Variants in LLGL2 observed in about 807,000 individuals in gnomAD.
LLGL2 encodes LLGL scribble cell polarity complex component 2.
Under a neutral mutation model 123.2 loss-of-function variants are expected in LLGL2, and 81 were observed. The ratio of observed to expected loss-of-function variants is 0.66; its 90% confidence interval spans 0.55 to 0.79. The LOEUF is 0.79. Ranked by LOEUF, LLGL2 falls within the 30% of genes least tolerant of loss-of-function variation. The pLI, the probability that LLGL2 is intolerant of heterozygous loss-of-function variation, is 0.00. For missense variants in LLGL2, 1,273 were observed against 1,414.6 expected (o/e 0.90, Z 1.61); for synonymous variants, 577 against 594.1 (o/e 0.97, Z 0.42).
intron 2 of LLGL2, among the ~76,000 whole-genome samples, chr17:75,555,312 C>T (rs112983066): frequency 7.2e-6 from 1 of 138,084 alleles, no homozygotes; most frequent in South Asian, 2.3e-4. Context: ...TTTTTTGAGA[C>T]GGAGTCTCGC....
At chr17:75,563,201 C>T in intron 7 of LLGL2, 23 bp downstream of exon 7, 2 of 1,611,918 alleles carry the variant, frequency 1.2e-6, no homozygotes, top group Admixed American at 1.7e-5. Context: ...CAGGACATGG[C>T]AGGCGCCATG....
intron 14 of LLGL2, 148 bp from the exon 15 acceptor site, chr17:75,569,815 A>C (rs2147534555): frequency 1.2e-6 from 1 of 837,548 alleles, no homozygotes; most frequent in East Asian, 2.8e-5. Flanking sequence ...AAAAAAAAAA[A>C]AAAATGCAGG....
At chr17:75,565,040 G>A (rs763337867) in intron 10 of LLGL2, among the ~76,000 whole-genome samples, 8 of 152,242 alleles carry the variant, frequency 5.3e-5, no homozygotes, top group Middle Eastern at 3.4e-3. Context: ...TGTCTGCCCC[G>A]GGCTCTCTGC....
chr17:75,530,853 G>A (rs2053759901), intron 1 of LLGL2, among the ~76,000 whole-genome samples: 1 of 152,228 alleles, frequency 6.6e-6, no homozygotes, highest in Admixed American at 6.5e-5. Context: ...GTTTTTCAGC[G>A]AGGACCTTTT....
At position 75,563,406 on chromosome 17, in the gene LLGL2, T is replaced by C; in HGVS notation, c.769T>C (p.Trp257Arg). The C allele has an allele frequency of 1.2e-6, 2 of 1,612,910 alleles. No homozygotes were observed. The highest frequency in any genetic ancestry group is 1.7e-6 in the Non-Finnish European group (2 of 1,180,030). ...TCACTCTGACGGCAGCTACTGCCAG[T>C]GGCCCGTGTCCAGCGAAGCCCAGCA... ...SCHSDGSYCQ[W>R]PVSSEAQQPE... The change falls in exon 8 of 26, where the codon TGG becomes CGG. Residue 257 changes from tryptophan (W) to arginine (R), a missense_variant. Transcript: ENST00000392550.
chr17:75,534,021 C>T (rs529637261), intron 1 of LLGL2, among the ~76,000 whole-genome samples: 8 of 147,616 alleles, frequency 5.4e-5, no homozygotes, highest in African/African-American at 2.1e-4. Context: ...AGTTTTAGGG[C>T]AGGTAGGAGG....
chr17:75,543,345 A>C (rs958997951), intron 1 of LLGL2, 52 bp from the exon 2 acceptor site: 19 of 1,348,650 alleles, frequency 1.4e-5, no homozygotes, highest in Non-Finnish European at 5.1e-6. Context: ...GCCGGGCCTA[A>C]TCGATACCTG....
Position 75,569,011 on chromosome 17 carries a change from C to A in LLGL2, c.1356C>A (p.Ala452=), listed in dbSNP as rs2055570347. The A allele has an allele frequency of 1.2e-6, 2 of 1,613,318 alleles. No individual in the cohort carries two copies. The highest frequency in any genetic ancestry group is 1.7e-5 in the Admixed American group (1 of 59,968). The change falls in exon 13 of 26, where the codon GCC becomes GCA. Residue 452 remains alanine (A), a synonymous_variant. Coordinates refer to ENST00000392550, the MANE Select transcript of LLGL2 (RefSeq NM_001031803.2). ...ACGGCACGGTGCGGTTCTGGGATGC[C>A]TCGGGTGTCTGCCTGCGGCTGCTCT... The part of the protein sequence containing the change: ...HEDGTVRFWD[A]SGVCLRLLYK...
At chr17:75,565,892 C>T (rs545839222) in intron 10 of LLGL2, among the ~76,000 whole-genome samples, 1 of 152,250 alleles carries the variant, frequency 6.6e-6, no homozygotes, top group East Asian at 1.9e-4. Context: ...TATGCCAGGC[C>T]CTGTTCTAGA....
Position 75,532,077 on chromosome 17 carries a change from C to CACACACACACACACACACT in LLGL2, c.-31+6252_-31+6253insACACACACACACACACACT, listed in dbSNP as rs58220046. 3.0e-3 allele frequency among the ~76,000 whole-genome samples: 249 copies of CACACACACACACACACACT among 84,058 alleles called. 4 individuals carry two copies. The highest frequency in any genetic ancestry group is 7.7e-3 in the Middle Eastern group (1 of 130). The allele number at this position is 84,058 out of a possible 152,430, so 55.1% of individuals were successfully genotyped here. On this transcript the variant is annotated intron_variant, in intron 1 of 25. Transcript: ENST00000392550. ...ATATACACACACACACACACACACA[C>CACACACACACACACACACT]TTTTTTTTTTTTTTTTTTTTTGAGA...
In LLGL2 at chr17:75,573,184, G is replaced by T; in HGVS notation, c.2631G>T (p.Ser877=). 6.2e-7 allele frequency: 1 copy of T among 1,612,920 alleles called. No individual in the cohort carries two copies. The highest frequency in any genetic ancestry group is 8.5e-7 in the Non-Finnish European group (1 of 1,179,866). Residue 877 remains serine, a synonymous_variant, in exon 20 of 26, where the codon TCG becomes TCT. Transcript: ENST00000392550. ...LTNLGDIQVV[S]LPLLKPQVRY... ...ACCTGGGCGACATCCAGGTGGTCTC[G>T]CTGCCCCTGCTCAAGCCCCAGGTGC...
At chr17:75,543,299 G>T (rs1017448626) in intron 1 of LLGL2, 98 bp from the exon 2 acceptor site, 2 of 783,930 alleles carry the variant, frequency 2.6e-6, no homozygotes, top group Non-Finnish European at 4.0e-6. Flanking sequence ...GCAGCCTACT[G>T]GACTTGGAGA....
At chr17:75,540,082 C>A (rs1300425112) in intron 1 of LLGL2, among the ~76,000 whole-genome samples, 1 of 152,184 alleles carries the variant, frequency 6.6e-6, no homozygotes, top group Non-Finnish European at 1.5e-5. Context: ...CTCTGGAGGC[C>A]ATGTGGCTTG....
Position 75,563,420 on chromosome 17 carries a change from C to T in LLGL2, c.783C>T (p.Ser261=), listed in dbSNP as rs148822621. The T allele has an allele frequency of 4.7e-5, 76 of 1,612,654 alleles. No individual in the cohort carries two copies. The highest frequency in any genetic ancestry group is 6.7e-5 in the East Asian group (3 of 44,902). Reference sequence around the variant, plus strand: ...GCTACTGCCAGTGGCCCGTGTCCAGCGAAGCCCAGCAACCAGAGCCCCTCC... The same window carrying T: ...GCTACTGCCAGTGGCCCGTGTCCAGTGAAGCCCAGCAACCAGAGCCCCTCC... The part of the protein sequence containing the change: ...DGSYCQWPVS[S]EAQQPEPLRS... Residue 261 remains serine, a synonymous_variant, in exon 8 of 26, where the codon AGC becomes AGT. Coordinates refer to ENST00000392550, the MANE Select transcript of LLGL2 (RefSeq NM_001031803.2).
At chr17:75,528,260 C>T (rs1011429072) in intron 1 of LLGL2, among the ~76,000 whole-genome samples, 5 of 151,976 alleles carry the variant, frequency 3.3e-5, no homozygotes, top group Admixed American at 6.6e-5. Context: ...GGACCACAGG[C>T]GCCTGCCATC....
At position 75,558,805 on chromosome 17, in the gene LLGL2, T is replaced by A. The variant is rs891155583; in HGVS notation, c.371+178T>A. On this transcript the variant is annotated intron_variant, in intron 5 of 25. Coordinates refer to ENST00000392550, the MANE Select transcript of LLGL2 (RefSeq NM_001031803.2). The surrounding 1 kb of genome is among the most constrained non-coding windows in gnomAD (Gnocchi z 4.0). ...GAGTGGAGTGGGCGGGGCTGCAGCC[T>A]GCCTCCTCCATCCACACCACGCCTC... Among the ~76,000 whole-genome samples, 2 of 148,296 alleles carry A rather than the reference T, an allele frequency of 1.3e-5. No individual in the cohort carries two copies. Among genetic ancestry groups the A allele is most frequent in the Non-Finnish European group, 3.0e-5 (2 of 67,382 alleles).
Position 75,572,047 on chromosome 17 carries a change from T to C in LLGL2, c.2443T>C (p.Ser815Pro). 6.2e-7 allele frequency: 1 copy of C among 1,611,646 alleles called. No individual in the cohort carries two copies. The highest frequency in any genetic ancestry group is 8.5e-7 in the Non-Finnish European group (1 of 1,179,914). ...GGGAAGCCACCAGCTGCTCGTCGTA[T>C]CAGAGGAGCAGTTCAAGGTGCCACA... ...MQGSHQLLVV[S>P]EEQFKVFTLP... The change falls in exon 19 of 26, where the codon TCA becomes CCA. Residue 815 changes from serine (S) to proline (P), a missense_variant. Coordinates refer to ENST00000392550, the MANE Select transcript of LLGL2 (RefSeq NM_001031803.2).
chr17:75,547,295 C>T (rs529195586), intron 2 of LLGL2, among the ~76,000 whole-genome samples: 336 of 152,276 alleles, frequency 2.2e-3, no homozygotes, highest in African/African-American at 7.6e-3. Flanking sequence ...TCCAGTTCAC[C>T]GAGGGCTATG....
At chr17:75,530,891 C>T (rs1247680873) in intron 1 of LLGL2, among the ~76,000 whole-genome samples, 1 of 152,150 alleles carries the variant, frequency 6.6e-6, no homozygotes, top group African/African-American at 2.4e-5. Context: ...CAGTGGAGGG[C>T]GCGGCTTCTC....
Sources: gnomAD v4.1 joint callset for allele counts (sites outside exome capture counted in the v4.1 genomes callset) on GRCh38, gnomAD v4.1.1 for gene constraint, Gnocchi (gnomAD v3.1) non-coding constraint, MANE v1.5 for transcripts, NCBI Gene and HGNC (gene_info 2026-07-23, HGNC 2026-07-21) for gene names.